MAP2K4: variants seen among roughly 807,000 people sequenced by gnomAD.
MAP2K4 encodes dual specificity mitogen-activated protein kinase kinase 4.
MAP2K4 carries 4 observed loss-of-function variants against 48.5 expected under a neutral mutation model. The observed-to-expected ratio is 0.08, with a 90% CI of 0.04 to 0.19. The LOEUF is 0.19. Ranked by LOEUF, MAP2K4 falls within the 10% of genes least tolerant of loss-of-function variation. The pLI, the probability that MAP2K4 is intolerant of heterozygous loss-of-function variation, is 1.00. For missense variants in MAP2K4, 258 were observed against 493.3 expected, an observed-to-expected ratio of 0.52 and a Z score of 4.52; for synonymous variants, 166 against 173.1, an observed-to-expected ratio of 0.96 and a Z score of 0.32.
At chr17:12,050,533 A>G (rs1342715616) in intron 1 of MAP2K4, among the ~76,000 whole-genome samples, 1 of 152,194 alleles carries the variant, frequency 6.6e-6, no homozygotes, top group East Asian at 1.9e-4. Flanking sequence ...GTTCTATAAA[A>G]TGTGAAGGAG....
rs367662793 is a variant in MAP2K4, at chr17:12,141,183, G to A, written c.1123G>A (p.Val375Ile). 59 of 1,613,670 alleles carry A rather than the reference G, an allele frequency of 3.7e-5. No homozygotes were observed. In the South Asian group the frequency reaches 4.0e-4, roughly 11 times the overall value. Residue 375 changes from valine to isoleucine, a missense_variant, in exon 11 of 11, where the codon GTT (valine) becomes ATT (isoleucine). Val to Ile is a conservative substitution (Grantham distance 29, BLOSUM62 3). Around this residue, in one of 3 missense-constraint regions of MAP2K4, gnomAD observed 57 missense variants for 84.3 expected, o/e 0.68. Transcript: ENST00000353533. Reference sequence around the variant, plus strand: ...TATTTTGATGTATGAAGAACGTGCCGTTGAGGTCGCATGCTATGTTTGTAA... The same window carrying A: ...TATTTTGATGTATGAAGAACGTGCCATTGAGGTCGCATGCTATGTTTGTAA... ...PFILMYEERA[V>I]EVACYVCKIL...
intron 2 of MAP2K4, among the ~76,000 whole-genome samples, chr17:12,061,494 C>A (rs1321177450): frequency 6.6e-6 from 1 of 152,170 alleles, no homozygotes; most frequent in East Asian, 1.9e-4. Flanking sequence ...GCCCCTACCC[C>A]CTTGAGATTC....
chr17:12,113,503 G>A lies in MAP2K4; in HGVS notation c.813+143G>A, dbSNP rs1190901269. The stretch of plus-strand genomic sequence containing the variant: ...CCCTAAGGCCCAAGCTCAGGTCCTA[G>A]CCTCTCCATGAAACTTTGCTAAATT... On this transcript the variant is annotated intron_variant, in intron 7 of 10. Transcript: ENST00000353533. 4 of 919,900 alleles carry A rather than the reference G, an allele frequency of 4.3e-6. No homozygotes were observed. The African/African-American group carries it at 4.9e-5, about 11-fold the overall frequency. The allele number at this position is 919,900 out of a possible 1,614,324, so 57.0% of individuals were successfully genotyped here.
intron 9 of MAP2K4, among the ~76,000 whole-genome samples, chr17:12,131,338 C>T (rs966467916): frequency 2.6e-5 from 4 of 151,562 alleles, no homozygotes; most frequent in Admixed American, 6.6e-5. Flanking sequence ...CTCCACCTCC[C>T]GGGTTCAAAC....
In MAP2K4 at chr17:12,073,214, A is replaced by G. The variant is rs914749723; in HGVS notation, c.219-8142A>G. Among the ~76,000 whole-genome samples the G allele has an allele frequency of 3.9e-5, 6 of 152,236 alleles. No homozygotes were observed. The East Asian group carries it at 9.7e-4, about 25-fold the overall frequency. ...AGAGACTTCATCCCTTTTCATGTTC[A>G]TTTCTTCTCCTGCCCACACTGGTAA... On this transcript the variant is annotated intron_variant, in intron 2 of 10. Coordinates refer to ENST00000353533, the MANE Select transcript of MAP2K4 (RefSeq NM_003010.4).
intron 2 of MAP2K4, among the ~76,000 whole-genome samples, chr17:12,070,768 T>G (rs1012629656): frequency 1.3e-5 from 2 of 152,202 alleles, no homozygotes; most frequent in Non-Finnish European, 2.9e-5. Context: ...TGCAGGAGAC[T>G]AGTGGCTTGC....
At chr17:12,022,319 AG>A (rs1474495409) in intron 1 of MAP2K4, among the ~76,000 whole-genome samples, 1 of 152,232 alleles carries the variant, frequency 6.6e-6, no homozygotes, top group African/African-American at 2.4e-5. Context: ...CAGAGCTTAG[AG>A]GACACTTTCT....
intron 2 of MAP2K4, among the ~76,000 whole-genome samples, chr17:12,061,344 G>A (rs886645990): frequency 1.3e-5 from 2 of 152,154 alleles, no homozygotes; most frequent in African/African-American, 2.4e-5. Flanking sequence ...GGGATATTCA[G>A]TCTTATCTTT....
intron 1 of MAP2K4, among the ~76,000 whole-genome samples, chr17:12,029,504 T>TA (rs1342107523): frequency 1.3e-5 from 2 of 151,880 alleles, no homozygotes; most frequent in Admixed American, 6.6e-5. Context: ...CACCCAGATA[T>TA]AAAAAAGTGA....
intron 2 of MAP2K4, among the ~76,000 whole-genome samples, chr17:12,061,990 A>T (rs922474176): frequency 1.3e-5 from 2 of 151,722 alleles, no homozygotes; most frequent in African/African-American, 2.4e-5. Flanking sequence ...ACTGCCTCAT[A>T]TATGGTTCAC....
chr17:12,108,055 G>A (rs1972181295), intron 5 of MAP2K4, 146 bp downstream of exon 5: 1 of 691,854 alleles, frequency 1.4e-6, no homozygotes, highest in East Asian at 3.0e-5. Context: ...AGTCACTTCT[G>A]TGGGGTAGTT....
intron 1 of MAP2K4, among the ~76,000 whole-genome samples, chr17:12,022,708 T>C (rs1361500713): frequency 2.0e-5 from 3 of 152,160 alleles, no homozygotes; most frequent in African/African-American, 7.2e-5. Flanking sequence ...CTCATGGAGG[T>C]TATCCCCCTG....
At chr17:12,035,673 T>C (rs1433971423) in intron 1 of MAP2K4, among the ~76,000 whole-genome samples, 1 of 152,260 alleles carries the variant, frequency 6.6e-6, no homozygotes, top group Admixed American at 6.5e-5. Context: ...GATAAACTTA[T>C]GTTTAATTTA....
At chr17:12,087,730 G>A (rs115999393) in intron 3 of MAP2K4, among the ~76,000 whole-genome samples, 367 of 152,064 alleles carry the variant, frequency 2.4e-3, no homozygotes, top group African/African-American at 8.5e-3. Context: ...TCTTCTGCCC[G>A]TAGTAAAATC....
At position 12,089,056 on chromosome 17, in the gene MAP2K4, C is replaced by T. The variant is rs1344826473; in HGVS notation, c.394-6519C>T. Reference sequence around the variant, plus strand: ...CCTCCCCAGCAGCTGGGACTACAGGCGCACGCCACCACGCCTGGCTAATTT... The same window carrying T: ...CCTCCCCAGCAGCTGGGACTACAGGTGCACGCCACCACGCCTGGCTAATTT... On this transcript the variant is annotated intron_variant, in intron 3 of 10. Transcript: ENST00000353533. Among the ~76,000 whole-genome samples, 18 of 151,996 alleles carry T rather than the reference C, an allele frequency of 1.2e-4. No homozygotes were observed. In the South Asian group the frequency reaches 1.7e-3, roughly 14 times the overall value.
At chr17:12,025,291 C>A (rs541177767) in intron 1 of MAP2K4, among the ~76,000 whole-genome samples, 1 of 152,240 alleles carries the variant, frequency 6.6e-6, no homozygotes, top group Non-Finnish European at 1.5e-5. Flanking sequence ...GGGATAATGC[C>A]TAACCTGTAG....
chr17:12,058,103 G>C (rs1257509733), intron 2 of MAP2K4, among the ~76,000 whole-genome samples: 2 of 151,908 alleles, frequency 1.3e-5, no homozygotes, highest in Non-Finnish European at 2.9e-5. Context: ...GCTAGAATTA[G>C]TAGAGCCAAA....
chr17:12,083,915 G>A (rs1971276635), intron 3 of MAP2K4, among the ~76,000 whole-genome samples: 1 of 152,294 alleles, frequency 6.6e-6, no homozygotes, highest in South Asian at 2.1e-4. Context: ...GCTTTCCATT[G>A]CTGTTGGTGA....
intron 2 of MAP2K4, among the ~76,000 whole-genome samples, chr17:12,057,570 A>G (rs1290694549): frequency 6.6e-6 from 1 of 152,070 alleles, no homozygotes; most frequent in Non-Finnish European, 1.5e-5. Flanking sequence ...AGATTCATGT[A>G]TCTCTTTTTC....
Sources: gnomAD v4.1 joint callset for allele counts (sites outside exome capture counted in the v4.1 genomes callset) on GRCh38, gnomAD v4.1.1 for gene constraint, gnomAD v4.1.1 regional missense constraint, MANE v1.5 for transcripts, NCBI Gene and HGNC (gene_info 2026-07-23, HGNC 2026-07-21) for gene names.